The following DOCK7 variants were observed in gnomAD, a reference collection of about 807,000 sequenced individuals.
DOCK7 encodes dedicator of cytokinesis protein 7.
In DOCK7, 138 loss-of-function variants were observed where a neutral mutation model predicts 271.0. The ratio of observed to expected loss-of-function variants is 0.51; its 90% CI spans 0.44 to 0.59. The LOEUF is 0.59. Among genes scored for constraint, DOCK7 ranks in the 20% least tolerant of loss-of-function variants. The pLI is 0.00. For synonymous variants in DOCK7, 823 were observed against 876.1 expected (o/e 0.94, Z 1.07); for missense variants, 2,066 against 2,592.4 (o/e 0.80, Z 4.41).
intron 14 of DOCK7, chr1:62,598,550 A>G: frequency 1.6e-6 from 1 of 620,544 alleles, no homozygotes; most frequent in Non-Finnish European, 2.9e-6. Flanking sequence ...TGCTATTTGA[A>G]AGAAGCATAC....
At chr1:62,472,338 CT>C (rs1645855878) in intron 48 of DOCK7, among the ~76,000 whole-genome samples, 1 of 152,118 alleles carries the variant, frequency 6.6e-6, no homozygotes, top group South Asian at 2.1e-4. Flanking sequence ...CTCCTGAGCT[CT>C]GGTGATCCAC....
At chr1:62,543,610 G>T in intron 24 of DOCK7, 46 bp downstream of exon 24, 1 of 1,398,810 alleles carries the variant, frequency 7.1e-7, no homozygotes, top group Non-Finnish European at 1.0e-6. Context: ...TATTTAATTG[G>T]TGAAATTATT....
intron 22 of DOCK7, among the ~76,000 whole-genome samples, chr1:62,545,326 C>T (rs1386741928): frequency 6.6e-6 from 1 of 151,814 alleles, no homozygotes; most frequent in Admixed American, 6.6e-5. Flanking sequence ...AATGTTCCCA[C>T]AGCACCACAC....
intron 1 of DOCK7, among the ~76,000 whole-genome samples, chr1:62,682,100 G>A (rs1156487716): frequency 6.6e-6 from 1 of 151,860 alleles, no homozygotes; most frequent in Non-Finnish European, 1.5e-5. Context: ...CATAGCATTT[G>A]TGGAGGTACA....
chr1:62,515,278 T>C (rs575732160), intron 31 of DOCK7, among the ~76,000 whole-genome samples: 47 of 152,210 alleles, frequency 3.1e-4, no homozygotes, highest in African/African-American at 1.1e-3. Flanking sequence ...TGGCTGCCCA[T>C]GCATATAAGT....
chr1:62,494,659 G>T, intron 39 of DOCK7, 192 bp from the exon 40 acceptor site: 1 of 332,908 alleles, frequency 3.0e-6, no homozygotes, highest in East Asian at 4.0e-5. Flanking sequence ...GATAATATCA[G>T]TTGGTGGGGG....
At chr1:62,515,146 A>G (rs1324459015) in intron 31 of DOCK7, among the ~76,000 whole-genome samples, 1 of 152,058 alleles carries the variant, frequency 6.6e-6, no homozygotes, top group Non-Finnish European at 1.5e-5. Context: ...GAAAAAAAAA[A>G]AAAAAAACCT....
At chr1:62,647,535 C>T (rs1227316219) in intron 7 of DOCK7, among the ~76,000 whole-genome samples, 156 bp downstream of exon 7, 2 of 152,104 alleles carry the variant, frequency 1.3e-5, no homozygotes, top group East Asian at 1.9e-4. Context: ...TTCATACATA[C>T]GTTTGAATGC....
At chr1:62,488,678 T>C (rs1299088963) in intron 42 of DOCK7, 3 of 433,816 alleles carry the variant, frequency 6.9e-6, no homozygotes, top group South Asian at 4.7e-5. Flanking sequence ...TTTTAAAAAC[T>C]TGCTAATTAA....
chr1:62,614,935 A>G (rs1016218295), intron 14 of DOCK7, among the ~76,000 whole-genome samples: 2 of 151,884 alleles, frequency 1.3e-5, no homozygotes, highest in African/African-American at 2.4e-5. Flanking sequence ...TGGAAAAAAA[A>G]TGGTTTCGTC....
At chr1:62,467,590 T>A (rs776631393) in intron 48 of DOCK7, among the ~76,000 whole-genome samples, 2 of 152,194 alleles carry the variant, frequency 1.3e-5, no homozygotes, top group Admixed American at 1.3e-4. Context: ...TATGGAAACA[T>A]TTTTAGAAAA....
Position 62,618,821 on chromosome 1 carries a change from A to G in DOCK7, c.1567T>C (p.Cys523Arg), listed in dbSNP as rs747915572. ...ISPAPENPHY[C>R]LTPELLQVKL... Reference sequence around the variant, plus strand: ...ACTTGAAGCAGCTCCGGAGTTAGGCAATAATGGGGATTTTCAGGTGCGGGA... The same window carrying G: ...ACTTGAAGCAGCTCCGGAGTTAGGCGATAATGGGGATTTTCAGGTGCGGGA... Residue 523 changes from cysteine (C) to arginine (R), a missense_variant, in exon 14 of 50, where the codon TGC becomes CGC. By Grantham distance (180) the Cys-to-Arg change is radical. Coordinates refer to ENST00000635253, the MANE Select transcript of DOCK7 (RefSeq NM_001367561.1). 117 of 1,613,732 alleles carry G rather than the reference A, an allele frequency of 7.3e-5. No homozygotes were observed. The highest frequency in any genetic ancestry group is 9.2e-5 in the Non-Finnish European group (108 of 1,179,806).
chr1:62,526,403 A>G (rs566613327), intron 31 of DOCK7, among the ~76,000 whole-genome samples: 56 of 152,344 alleles, frequency 3.7e-4, no homozygotes, highest in African/African-American at 1.3e-3. Context: ...TCCTAATCAA[A>G]AAGACAGATA....
chr1:62,524,505 A>G (rs943561664), intron 31 of DOCK7, among the ~76,000 whole-genome samples: 3 of 152,230 alleles, frequency 2.0e-5, no homozygotes, highest in African/African-American at 4.8e-5. Context: ...AAACTGATTT[A>G]TAGTTAGACA....
intron 18 of DOCK7, among the ~76,000 whole-genome samples, chr1:62,568,305 ATT>A (rs34058415): frequency 9.0e-5 from 13 of 144,116 alleles, no homozygotes; most frequent in Admixed American, 2.1e-4. Flanking sequence ...AGCTAGAAAG[ATT>A]TTTTTTTTTT....
intron 48 of DOCK7, among the ~76,000 whole-genome samples, chr1:62,466,356 T>G (rs1444847258): frequency 6.6e-6 from 1 of 152,228 alleles, no homozygotes; most frequent in Non-Finnish European, 1.5e-5. Flanking sequence ...TTTGTACAAA[T>G]GCAGTCAGGT....
chr1:62,659,689 T>C (rs972522085), intron 2 of DOCK7, among the ~76,000 whole-genome samples: 2 of 151,856 alleles, frequency 1.3e-5, no homozygotes, highest in African/African-American at 2.4e-5. Context: ...CATAGGTAGG[T>C]TGAAAATAGA....
chr1:62,678,668 G>A (rs908537553), intron 1 of DOCK7, among the ~76,000 whole-genome samples: 2 of 152,148 alleles, frequency 1.3e-5, no homozygotes, highest in African/African-American at 2.4e-5. Context: ...TAAAATTTAC[G>A]TGGAAATTCA....
At chr1:62,460,604 AACACACACACACAC>A (rs57641890) in intron 48 of DOCK7, among the ~76,000 whole-genome samples, 180 of 148,982 alleles carry the variant, frequency 1.2e-3, no homozygotes, top group African/African-American at 3.8e-3. Context: ...CAATGTATTG[AACACACACACACAC>A]ACACACACAC....
Sources: gnomAD v4.1 joint callset for allele counts (sites outside exome capture counted in the v4.1 genomes callset) on GRCh38, gnomAD v4.1.1 for gene constraint, MANE v1.5 for transcripts, NCBI Gene and HGNC (gene_info 2026-07-23, HGNC 2026-07-21) for gene names.